Variants in LARP4 observed in about 807,000 individuals in gnomAD.
LARP4 encodes the protein La ribonucleoprotein 4.
LARP4 carries 29 observed loss-of-function variants against 92.9 expected under a neutral mutation model. The observed-to-expected ratio is 0.31, with a 90% CI of 0.23 to 0.43. The LOEUF (loss-of-function observed/expected upper bound fraction) is 0.43, where lower values mean the gene tolerates loss of function less well. Ranked by LOEUF, LARP4 falls within the 20% of genes least tolerant of loss-of-function variation. The probability of loss-of-function intolerance (pLI) is 1.00; values close to 1 mark genes in which losing one functional copy is unlikely to be tolerated. For missense variants in LARP4, 732 were observed against 860.0 expected (o/e 0.85, Z 1.86); for synonymous variants, 279 against 284.1 (o/e 0.98, Z 0.18).
intron 4 of LARP4, among the ~76,000 whole-genome samples, chr12:50,434,370 G>T (rs1045760594): frequency 2.0e-5 from 3 of 150,596 alleles, no homozygotes; most frequent in Non-Finnish European, 4.4e-5. Flanking sequence ...GTACCTTAAA[G>T]AATCTTTTGT....
chr12:50,461,015 T>C, intron 10 of LARP4, 120 bp from the exon 11 acceptor site: 1 of 734,924 alleles, frequency 1.4e-6, no homozygotes, highest in Non-Finnish European at 2.4e-6. Context: ...CATTATTCTT[T>C]TGTGTTTAAC....
At chr12:50,438,283 G>T (rs186935035) in intron 6 of LARP4, among the ~76,000 whole-genome samples, 1 of 152,224 alleles carries the variant, frequency 6.6e-6, no homozygotes, top group African/African-American at 2.4e-5. Flanking sequence ...CGGATCGTGA[G>T]GTCAGGAGAT....
intron 6 of LARP4, among the ~76,000 whole-genome samples, chr12:50,439,217 G>A (rs1950857251): frequency 6.6e-6 from 1 of 152,016 alleles, no homozygotes; most frequent in Admixed American, 6.6e-5. Context: ...GGGATTACAG[G>A]CGTGAGCCAC....
At chr12:50,456,406 A>G (rs149129892) in intron 10 of LARP4, among the ~76,000 whole-genome samples, 1 of 152,270 alleles carries the variant, frequency 6.6e-6, no homozygotes, top group Non-Finnish European at 1.5e-5. Flanking sequence ...GCAAATAAAG[A>G]CCTTCTGGAC....
At chr12:50,453,196 T>A (rs1337637707) in intron 8 of LARP4, among the ~76,000 whole-genome samples, 2 of 151,718 alleles carry the variant, frequency 1.3e-5, no homozygotes, top group African/African-American at 2.4e-5. Flanking sequence ...GTTACAGGTG[T>A]GAGCCAGCAC....
chr12:50,438,341 C>G (rs1464349804), intron 6 of LARP4, among the ~76,000 whole-genome samples: 1 of 151,724 alleles, frequency 6.6e-6, no homozygotes, highest in South Asian at 2.1e-4. Flanking sequence ...TACTAAAAAT[C>G]AAAAAATTAG....
At chr12:50,454,006 T>C (rs1191001678) in intron 9 of LARP4, among the ~76,000 whole-genome samples, 1 of 152,122 alleles carries the variant, frequency 6.6e-6, no homozygotes, top group Non-Finnish European at 1.5e-5. Context: ...GGTGAGCTAT[T>C]AGAGCGCATA....
intron 8 of LARP4, among the ~76,000 whole-genome samples, chr12:50,447,991 C>G (rs1209262426): frequency 6.6e-6 from 1 of 152,014 alleles, no homozygotes; most frequent in East Asian, 1.9e-4. Flanking sequence ...CTCAGCCTCC[C>G]GAGTAGCTGG....
chr12:50,459,484 C>T (rs1474298355), intron 10 of LARP4, among the ~76,000 whole-genome samples: 2 of 151,842 alleles, frequency 1.3e-5, no homozygotes, highest in Admixed American at 6.6e-5. Context: ...TACTTTTTGC[C>T]CTTCCTTCGC....
chr12:50,474,419 G>A (rs1029130754), intron 15 of LARP4, among the ~76,000 whole-genome samples: 2 of 151,908 alleles, frequency 1.3e-5, no homozygotes, highest in African/African-American at 4.8e-5. Flanking sequence ...ACGATCTCGC[G>A]TCACTGCAAG....
chr12:50,416,982 C>G (rs894364929), intron 1 of LARP4, among the ~76,000 whole-genome samples: 3 of 151,890 alleles, frequency 2.0e-5, no homozygotes, highest in African/African-American at 7.3e-5. Flanking sequence ...AAACAAAACT[C>G]TTCTGCTTAA....
At chr12:50,471,124 T>TA (rs1363177637) in intron 13 of LARP4, among the ~76,000 whole-genome samples, 5 of 152,018 alleles carry the variant, frequency 3.3e-5, no homozygotes, top group African/African-American at 7.2e-5. Flanking sequence ...CCCCCATCTC[T>TA]AAAAAAATAA....
chr12:50,436,435 A>G (rs1593081194), intron 5 of LARP4, among the ~76,000 whole-genome samples: 1 of 152,116 alleles, frequency 6.6e-6, no homozygotes, highest in African/African-American at 2.4e-5. Context: ...TTATCACACA[A>G]CCTTTAAGAC....
intron 1 of LARP4, among the ~76,000 whole-genome samples, chr12:50,425,062 G>A (rs1324985957): frequency 6.6e-6 from 1 of 152,034 alleles, no homozygotes; most frequent in Non-Finnish European, 1.5e-5. Flanking sequence ...CAGGAGAATA[G>A]CTTGAACCCA....
At chr12:50,408,357 C>G (rs1185178648) in intron 1 of LARP4, among the ~76,000 whole-genome samples, 4 of 151,866 alleles carry the variant, frequency 2.6e-5, no homozygotes, top group Admixed American at 6.6e-5. Flanking sequence ...CACCACCATG[C>G]TGGCTAATTT....
chr12:50,453,559 G>A lies in LARP4; in HGVS notation c.904G>A (p.Ala302Thr), dbSNP rs759368478. ...CCCCATTCAAACTCAAGCACAGTAT[G>A]CCTCCCCAGTCTTTATGCAGCCTGT... Reference protein sequence around the residue: ...SHPIQTQAQYASPVFMQPVYN... With the variant: ...SHPIQTQAQYTSPVFMQPVYN... Residue 302 changes from alanine (A) to threonine (T), a missense_variant, in exon 9 of 16, where the codon GCC (alanine) becomes ACC (threonine). Around this residue, in one of 7 missense-constraint regions of LARP4, gnomAD observed 264 missense variants for 269.5 expected, o/e 0.98. Transcript: ENST00000398473. 1.2e-6 allele frequency: 2 copies of A among 1,612,020 alleles called. No homozygotes were observed. The highest frequency in any genetic ancestry group is 1.7e-6 in the Non-Finnish European group (2 of 1,178,350).
chr12:50,474,681 A>G (rs897624501), intron 15 of LARP4, among the ~76,000 whole-genome samples: 3 of 152,078 alleles, frequency 2.0e-5, no homozygotes, highest in African/African-American at 7.2e-5. Context: ...TTTTCTGTTC[A>G]TATGGTTAAG....
At chr12:50,446,429 A>ATTTT (rs71083573) in intron 8 of LARP4, among the ~76,000 whole-genome samples, 1 of 3,916 alleles carries the variant, frequency 2.6e-4, no homozygotes, top group African/African-American at 8.3e-4. Flanking sequence ...ATATATATAT[A>ATTTT]TTTTTTTTTT....
intron 13 of LARP4, among the ~76,000 whole-genome samples, chr12:50,469,395 G>A (rs910722634): frequency 6.6e-6 from 1 of 152,038 alleles, no homozygotes; most frequent in African/African-American, 2.4e-5. Flanking sequence ...ACGAAGTCAG[G>A]AGATCGGGAC....
Sources: gnomAD v4.1 joint callset for allele counts (sites outside exome capture counted in the v4.1 genomes callset) on GRCh38, gnomAD v4.1.1 for gene constraint, gnomAD v4.1.1 regional missense constraint, MANE v1.5 for transcripts, NCBI Gene and HGNC (gene_info 2026-07-23, HGNC 2026-07-21) for gene names.